The following CRYBG1 variants were observed in gnomAD, a reference collection of about 807,000 sequenced individuals.
The protein encoded by CRYBG1 is crystallin beta-gamma domain containing 1, also known as beta/gamma crystallin domain-containing protein 1.
CRYBG1 carries 139 observed loss-of-function variants against 189.2 expected under a neutral mutation model. That is an observed-to-expected ratio of 0.73 (90% CI 0.64 to 0.85). The LOEUF (loss-of-function observed/expected upper bound fraction) is 0.85. Among genes scored for constraint, CRYBG1 ranks in the 40% least tolerant of loss-of-function variants. The pLI, the probability that CRYBG1 is intolerant of heterozygous loss-of-function variation, is 0.00. For missense variants in CRYBG1, 2,611 were observed against 2,675.8 expected (o/e 0.98, Z 0.53); for synonymous variants, 1,023 against 1,017.1 (o/e 1.01, Z -0.11).
intron 1 of CRYBG1, among the ~76,000 whole-genome samples, chr6:106,372,218 C>T (rs778721511): frequency 4.7e-4 from 71 of 151,778 alleles, no homozygotes; most frequent in South Asian, 1.0e-3. Context: ...TAAGTTGGTG[C>T]AAAAGTAATT....
At chr6:106,388,618 A>G (rs968392294) in intron 1 of CRYBG1, among the ~76,000 whole-genome samples, 2 of 152,228 alleles carry the variant, frequency 1.3e-5, no homozygotes, top group African/African-American at 4.8e-5. Flanking sequence ...GAGTAGAATT[A>G]TAATTTCTGG....
At position 106,539,420 on chromosome 6, in the gene CRYBG1, A is replaced by G. The variant is rs763035404; in HGVS notation, c.4736A>G (p.Glu1579Gly). 1 of 1,614,056 alleles carries G rather than the reference A, an allele frequency of 6.2e-7. No homozygotes were observed. The highest frequency in any genetic ancestry group is 2.2e-5 in the East Asian group (1 of 44,884). ...VHWGTWLIYE[E>G]PGFQGVPFIL... ...CTATTTAGGTGGCTGATTTATGAAG[A>G]ACCTGGATTTCAGGGTGTTCCTTTC... Residue 1579 changes from glutamate (E) to glycine (G), a missense_variant, in exon 9 of 22, where the codon GAA becomes GGA. Transcript: ENST00000633556.
Position 106,563,767 on chromosome 6 carries a change from G to C in CRYBG1, c.6142G>C (p.Ala2048Pro). The C allele has an allele frequency of 3.1e-6, 5 of 1,605,942 alleles. No individual in the cohort carries two copies. The highest frequency in any genetic ancestry group is 4.3e-6 in the Non-Finnish European group (5 of 1,172,996). The stretch of plus-strand genomic sequence containing the variant: ...TCTGGTCTTTTCCACTGAGCAGATA[G>C]CAGAAGACTGCTGCCTGACGATTGT... Reference protein sequence around the residue: ...YQEGCIKCRIAEDCCLTIVGS... With the variant: ...YQEGCIKCRIPEDCCLTIVGS... The change falls in exon 21 of 22, where the codon GCA (alanine) becomes CCA (proline). Residue 2048 changes from alanine to proline, a missense_variant. Ala to Pro is a conservative substitution (Grantham distance 27). Coordinates refer to ENST00000633556, the MANE Select transcript of CRYBG1 (RefSeq NM_001371242.2).
intron 3 of CRYBG1, among the ~76,000 whole-genome samples, chr6:106,518,316 A>G (rs1773488413): frequency 6.6e-6 from 1 of 152,254 alleles, no homozygotes; most frequent in Non-Finnish European, 1.5e-5. Context: ...TGGGGGAAGG[A>G]TGAGATGAAT....
At chr6:106,427,570 C>G (rs969708555) in intron 1 of CRYBG1, among the ~76,000 whole-genome samples, 2 of 152,216 alleles carry the variant, frequency 1.3e-5, no homozygotes, top group Non-Finnish European at 2.9e-5. Context: ...TGATGTCTAG[C>G]TTGGATTATT....
At chr6:106,465,037 T>C (rs1772083773) in intron 2 of CRYBG1, among the ~76,000 whole-genome samples, 1 of 152,236 alleles carries the variant, frequency 6.6e-6, no homozygotes, top group South Asian at 2.1e-4. Flanking sequence ...TTATTCATCT[T>C]TAAAACTCTG....
intron 18 of CRYBG1, among the ~76,000 whole-genome samples, chr6:106,559,255 G>A (rs1360645972): frequency 6.6e-6 from 1 of 152,058 alleles, no homozygotes; most frequent in African/African-American, 2.4e-5. Flanking sequence ...CTCAGGGTTG[G>A]GATTTTCCTT....
intron 2 of CRYBG1, among the ~76,000 whole-genome samples, chr6:106,458,282 G>A (rs1011688613): frequency 5.3e-5 from 8 of 152,116 alleles, no homozygotes; most frequent in Non-Finnish European, 7.4e-5. Context: ...ACCTTACTGG[G>A]CCATTCTACT....
At chr6:106,423,250 G>GTT (rs1771161104) in intron 1 of CRYBG1, among the ~76,000 whole-genome samples, 1 of 101,708 alleles carries the variant, frequency 9.8e-6, no homozygotes, top group Non-Finnish European at 2.0e-5. Flanking sequence ...AGAGTTGGCT[G>GTT]GTTTTTTTTT....
chr6:106,464,561 T>A (rs1772075583), intron 2 of CRYBG1, among the ~76,000 whole-genome samples: 1 of 151,578 alleles, frequency 6.6e-6, no homozygotes, highest in Admixed American at 6.6e-5. Context: ...AATGAGAAAC[T>A]TTTTCCTATT....
Position 106,360,832 on chromosome 6 carries a change from C to G in CRYBG1, c.-77C>G, listed in dbSNP as rs372456274. 104 of 1,415,274 alleles carry G rather than the reference C, an allele frequency of 7.3e-5. 1 individual carries two copies. The East Asian group carries it at 2.1e-3, about 29-fold the overall frequency. 87.7% of individuals were successfully genotyped at this position (1,415,274 alleles called of 1,614,324 possible). ...TGAGAAAGGCGGGCGAGCTGGCGCTCAGGTGTGTTCTTCCATAGGGCCCGG... is the reference window on the plus strand; with the variant it reads ...TGAGAAAGGCGGGCGAGCTGGCGCTGAGGTGTGTTCTTCCATAGGGCCCGG... On this transcript the variant is annotated 5_prime_UTR_variant, in exon 1 of 22. Transcript: ENST00000633556.
At chr6:106,361,214 T>G in intron 1 of CRYBG1, 133 bp downstream of exon 1, 2 of 1,146,350 alleles carry the variant, frequency 1.7e-6, no homozygotes, top group Non-Finnish European at 2.4e-6. Flanking sequence ...CGCAGGAGGG[T>G]ACCCGGGTCC....
rs1774793487 is a variant in CRYBG1 at position 106,563,769 on chromosome 6, A to G, written c.6144A>G (p.Ala2048=). 1 of 1,606,204 alleles carries G rather than the reference A, an allele frequency of 6.2e-7. No homozygotes were observed. The highest frequency in any genetic ancestry group is 8.5e-7 in the Non-Finnish European group (1 of 1,173,194). The change falls in exon 21 of 22, where the codon GCA becomes GCG. Residue 2048 remains alanine, a synonymous_variant. Coordinates refer to ENST00000633556, the MANE Select transcript of CRYBG1 (RefSeq NM_001371242.2). ...YQEGCIKCRI[A]EDCCLTIVGS... The stretch of plus-strand genomic sequence containing the variant: ...TGGTCTTTTCCACTGAGCAGATAGC[A>G]GAAGACTGCTGCCTGACGATTGTGG...
In CRYBG1 at chr6:106,519,124, CT is replaced by C. The variant is rs1562100211; in HGVS notation, c.1923-6del. ...AATAACTTTATCTTCCTGCTTTTTC[CT>C]CACAGCCCTGCCAAGCCCAAACATG... On this transcript the variant is annotated splice_polypyrimidine_tract_variant and splice_region_variant and intron_variant, in intron 3 of 21. Coordinates refer to ENST00000633556, the MANE Select transcript of CRYBG1 (RefSeq NM_001371242.2). 1.1e-5 allele frequency: 17 copies of C among 1,590,592 alleles called. 1 individual carries two copies. In the South Asian group the frequency reaches 1.9e-4, roughly 18 times the overall value.
intron 1 of CRYBG1, among the ~76,000 whole-genome samples, chr6:106,438,100 A>T (rs925580767): frequency 6.6e-6 from 1 of 152,206 alleles, no homozygotes; most frequent in African/African-American, 2.4e-5. Context: ...CACAGGGCTT[A>T]GTAGAGTGCT....
At position 106,521,231 on chromosome 6, in the gene CRYBG1, A is replaced by G. The variant is rs778358007; in HGVS notation, c.4023A>G (p.Glu1341=). 6.2e-7 allele frequency: 1 copy of G among 1,614,062 alleles called. No individual in the cohort carries two copies. Among genetic ancestry groups the G allele is most frequent in the Non-Finnish European group, 8.5e-7 (1 of 1,179,982 alleles). The change falls in exon 4 of 22, where the codon GAA becomes GAG. Residue 1341 remains glutamate (E), a synonymous_variant. Transcript: ENST00000633556. ...ACCCGCAAAAAGAGAAAACCAAAGA[A>G]GATCTGGATTCACGAAGCAACCTAC... The part of the protein sequence containing the change: ...EKYPQKEKTK[E]DLDSRSNLHL...
At chr6:106,542,734 C>T (rs1165336414) in intron 10 of CRYBG1, among the ~76,000 whole-genome samples, 2 of 150,478 alleles carry the variant, frequency 1.3e-5, no homozygotes, top group African/African-American at 4.9e-5. Flanking sequence ...TCACTTAACC[C>T]TCTGCCTCCT....
chr6:106,490,146 A>G (rs1772687186), intron 2 of CRYBG1, among the ~76,000 whole-genome samples: 1 of 152,226 alleles, frequency 6.6e-6, no homozygotes, highest in South Asian at 2.1e-4. Flanking sequence ...AGTGAAATAT[A>G]TCTACAAAGC....
Position 106,463,295 on chromosome 6 carries a change from A to AC in CRYBG1, c.312+11465dup, listed in dbSNP as rs1297483021. On this transcript the variant is annotated intron_variant, in intron 2 of 21. Transcript: ENST00000633556. ...CTTTGTAAAGTGGGAGGTGGCCATCACCACCAGCCTGAACTCACCTTTGAT... is the reference window on the plus strand; with the variant it reads ...CTTTGTAAAGTGGGAGGTGGCCATCACCCACCAGCCTGAACTCACCTTTGAT... Among the ~76,000 whole-genome samples the AC allele has an allele frequency of 2.0e-5, 3 of 151,052 alleles. No individual in the cohort carries two copies. In the East Asian group the frequency reaches 5.8e-4, roughly 29 times the overall value.
Sources: allele counts gnomAD v4.1 joint callset (sites outside exome capture counted in the v4.1 genomes callset), GRCh38; gene constraint gnomAD v4.1.1; transcripts MANE v1.5; gene names NCBI Gene and HGNC (gene_info 2026-07-23, HGNC 2026-07-21).